The following DNAH6 variants were observed in gnomAD, a reference collection of about 807,000 sequenced individuals.
DNAH6 encodes dynein axonemal heavy chain 6.
In DNAH6, 340 loss-of-function variants were observed where a neutral mutation model predicts 491.4. The ratio of observed to expected loss-of-function variants is 0.69; its 90% CI spans 0.63 to 0.76. DNAH6 has a LOEUF of 0.76. DNAH6 is among the 30% of genes least tolerant of loss of function. The probability of loss-of-function intolerance (pLI) is 0.00; values close to 1 mark genes in which losing one functional copy is unlikely to be tolerated. For synonymous variants in DNAH6, 1,603 were observed against 1,686.1 expected (o/e 0.95, Z 1.21); for missense variants, 4,443 against 4,972.2 (o/e 0.89, Z 3.20).
intron 30 of DNAH6, among the ~76,000 whole-genome samples, chr2:84,635,468 C>T (rs1312332701): frequency 6.6e-6 from 1 of 152,158 alleles, no homozygotes; most frequent in African/African-American, 2.4e-5. Context: ...CTCTTGTTCC[C>T]GCATACTCTG....
intron 63 of DNAH6, among the ~76,000 whole-genome samples, chr2:84,754,383 G>A (rs541286851): frequency 6.6e-6 from 1 of 151,346 alleles, no homozygotes; most frequent in African/African-American, 2.4e-5. Flanking sequence ...ATTTCACCAT[G>A]TTGGCCAGGC....
chr2:84,675,778 C>T (rs1390359123), intron 40 of DNAH6, among the ~76,000 whole-genome samples: 5 of 152,140 alleles, frequency 3.3e-5, no homozygotes, highest in African/African-American at 1.2e-4. Context: ...CCCACCTCAG[C>T]CCCCCGAGTA....
chr2:84,580,315 C>T (rs991741123), intron 14 of DNAH6, among the ~76,000 whole-genome samples: 27 of 34,468 alleles, frequency 7.8e-4, no homozygotes, highest in Non-Finnish European at 1.0e-3. Flanking sequence ...CACATACACA[C>T]GCACACACAC....
the DNAH6 span, among the ~76,000 whole-genome samples, chr2:84,471,735 C>A: frequency 1.3e-5 from 2 of 152,216 alleles, no homozygotes; most frequent in Non-Finnish European, 2.9e-5. Flanking sequence ...AAAACACAAG[C>A]ATACCCTTAC....
intron 23 of DNAH6, among the ~76,000 whole-genome samples, chr2:84,617,790 G>A (rs1282272523): frequency 1.3e-5 from 2 of 152,064 alleles, no homozygotes; most frequent in East Asian, 3.9e-4. Context: ...TGGTGGGGAT[G>A]CATGTTAAGC....
At chr2:84,719,885 C>CACACACACACACAG in intron 59 of DNAH6, among the ~76,000 whole-genome samples, 1 of 140,956 alleles carries the variant, frequency 7.1e-6, no homozygotes, top group South Asian at 2.3e-4. Context: ...CACACACACA[C>CACACACACACACAG]ACACACACAC....
At chr2:84,795,120 T>C (rs1342074351) in intron 68 of DNAH6, among the ~76,000 whole-genome samples, 3 of 134,232 alleles carry the variant, frequency 2.2e-5, no homozygotes, top group African/African-American at 5.7e-5. Flanking sequence ...TAGGTGGGAA[T>C]TGAACAATGA....
intron 11 of DNAH6, among the ~76,000 whole-genome samples, chr2:84,569,850 G>A (rs1295928659): frequency 6.6e-6 from 1 of 152,172 alleles, no homozygotes; most frequent in Non-Finnish European, 1.5e-5. Flanking sequence ...GGGAAGGCTG[G>A]AATGAACCCT....
At position 84,611,829 on chromosome 2, in the gene DNAH6, T is replaced by C. The variant is rs986779973; in HGVS notation, c.3450T>C (p.Asn1150=). 5 of 1,550,996 alleles carry C rather than the reference T, an allele frequency of 3.2e-6. No homozygotes were observed. In the Admixed American group the frequency reaches 7.8e-5, roughly 24 times the overall value. The part of the protein sequence containing the change: ...EIMRKVNRLP[N]ALRAATQPGL... Reference sequence around the variant, plus strand: ...TGAGAAAGGTGAATCGGCTGCCTAATGCTCTTCGAGCCGCTACTCAGCCAG... The same window carrying C: ...TGAGAAAGGTGAATCGGCTGCCTAACGCTCTTCGAGCCGCTACTCAGCCAG... Residue 1150 remains asparagine, a synonymous_variant, in exon 22 of 77, where the codon AAT becomes AAC. Transcript: ENST00000389394.
At chr2:84,486,419 G>C in the DNAH6 span, among the ~76,000 whole-genome samples, 1 of 152,154 alleles carries the variant, frequency 6.6e-6, no homozygotes, top group Non-Finnish European at 1.5e-5. Flanking sequence ...TCACCCCTTA[G>C]CCTGCAGACT....
chr2:84,477,896 A>C, the DNAH6 span, among the ~76,000 whole-genome samples: 1 of 152,246 alleles, frequency 6.6e-6, no homozygotes, highest in African/African-American at 2.4e-5. Flanking sequence ...GAAATGGAAC[A>C]AAAAGAACCT....
chr2:84,684,168 T>C (rs571142094), intron 42 of DNAH6, among the ~76,000 whole-genome samples: 1 of 152,246 alleles, frequency 6.6e-6, no homozygotes, highest in Non-Finnish European at 1.5e-5. Flanking sequence ...TGCCCTCTTA[T>C]ACTAGCAGTT....
At chr2:84,757,519 C>G (rs900152673) in intron 63 of DNAH6, among the ~76,000 whole-genome samples, 2 of 152,220 alleles carry the variant, frequency 1.3e-5, no homozygotes, top group Non-Finnish European at 2.9e-5. Flanking sequence ...AGGAAACACT[C>G]TCTATTCAGG....
rs1037984441 is a variant in DNAH6, at chr2:84,819,430, A to C, written c.*22A>C. ...ATGAAAAGGTGCCACCTCAGCCCTG[A>C]AAAAGAACCAGGCCAGAGATCTTTC... On this transcript the variant is annotated 3_prime_UTR_variant, in exon 77 of 77. Transcript: ENST00000389394. 6.7e-7 allele frequency: 1 copy of C among 1,491,630 alleles called. No individual in the cohort carries two copies. The highest frequency in any genetic ancestry group is 2.0e-5 in the Admixed American group (1 of 48,972). The allele number at this position is 1,491,630 out of a possible 1,614,324, so 92.4% of individuals were successfully genotyped here. A position where few individuals can be genotyped will look rare whatever the true frequency, so the allele number is the denominator to read the frequency against.
chr2:84,640,865 G>A (rs1362006317), intron 32 of DNAH6, among the ~76,000 whole-genome samples: 3 of 152,062 alleles, frequency 2.0e-5, no homozygotes, highest in East Asian at 1.9e-4. Context: ...TTCAAACATC[G>A]GTCTTTTGTG....
chr2:84,592,870 T>C (rs938551491), intron 16 of DNAH6, among the ~76,000 whole-genome samples: 2 of 152,152 alleles, frequency 1.3e-5, no homozygotes, highest in African/African-American at 4.8e-5. Context: ...ATATGAGATA[T>C]CTAAAGTAGT....
At chr2:84,478,993 A>G in the DNAH6 span, among the ~76,000 whole-genome samples, 1 of 151,954 alleles carries the variant, frequency 6.6e-6, no homozygotes, top group African/African-American at 2.4e-5. Context: ...ATGCTACACT[A>G]TCAGCTGTCC....
Position 84,819,555 on chromosome 2 carries a change from T to G in DNAH6, c.*147T>G. The G allele has an allele frequency of 1.9e-6, 1 of 530,678 alleles. No individual in the cohort carries two copies. Among genetic ancestry groups the G allele is most frequent in the Non-Finnish European group, 3.2e-6 (1 of 308,070 alleles). The allele number at this position is 530,678 out of a possible 1,614,324, so 32.9% of individuals were successfully genotyped here. ...TGTGACTTTTATTTCTCTTATGACC[T>G]TAAAATAAAGTGTTTGAGTTCTTTC... On this transcript the variant is annotated 3_prime_UTR_variant, in exon 77 of 77. Transcript: ENST00000389394.
At chr2:84,559,876 A>G (rs949892843) in intron 11 of DNAH6, among the ~76,000 whole-genome samples, 3 of 152,206 alleles carry the variant, frequency 2.0e-5, no homozygotes, top group Non-Finnish European at 4.4e-5. Context: ...AGACTAAATT[A>G]TATAGTGCTC....
Sources: gnomAD v4.1 joint callset for allele counts (sites outside exome capture counted in the v4.1 genomes callset) on GRCh38, gnomAD v4.1.1 for gene constraint, MANE v1.5 for transcripts, NCBI Gene and HGNC (gene_info 2026-07-23, HGNC 2026-07-21) for gene names.